SH3RF3: variants seen among roughly 807,000 people sequenced by gnomAD.
SH3RF3 encodes the protein SH3 domain containing ring finger 3.
A neutral mutation model predicts 66.3 loss-of-function variants in SH3RF3; 29 were observed. That is an observed-to-expected ratio of 0.44 (90% CI 0.33 to 0.60). The LOEUF (loss-of-function observed/expected upper bound fraction) is 0.60. SH3RF3 is among the 20% of genes least tolerant of loss of function. SH3RF3 has a pLI of 0.04. For synonymous variants in SH3RF3, 583 were observed against 532.0 expected (o/e 1.10, Z -1.32); for missense variants, 1,194 against 1,190.9 (o/e 1.00, Z -0.04).
In SH3RF3 at chr2:109,291,723, A is replaced by G. The variant is rs143660590; in HGVS notation, c.574-55951A>G. On this transcript the variant is annotated intron_variant, in intron 1 of 9. Transcript: ENST00000309415. ...TTTGCTCCTCTTTGTCTCCCAAGCC[A>G]GGCTTATCCGCAGGTTTCAAAGTGG... is the stretch of plus-strand genomic sequence containing the variant. Among the ~76,000 whole-genome samples, 338 of 152,316 alleles carry G rather than the reference A, an allele frequency of 2.2e-3. 4 individuals are homozygous for G. The highest frequency in any genetic ancestry group is 7.5e-3 in the African/African-American group (313 of 41,568).
chr2:109,201,419 G>C (rs1418318882), intron 1 of SH3RF3, among the ~76,000 whole-genome samples: 1 of 152,140 alleles, frequency 6.6e-6, no homozygotes, highest in Admixed American at 6.5e-5. Context: ...TCTGTCTCCA[G>C]GCACACATCC....
chr2:109,412,848 A>G (rs527502620), intron 4 of SH3RF3, among the ~76,000 whole-genome samples: 8 of 152,270 alleles, frequency 5.3e-5, no homozygotes, highest in Non-Finnish European at 8.8e-5. Flanking sequence ...ACTTCTTGCC[A>G]TGAAAATACA....
At chr2:109,328,274 C>T in intron 1 of SH3RF3, among the ~76,000 whole-genome samples, 1 of 152,210 alleles carries the variant, frequency 6.6e-6, no homozygotes, top group East Asian at 1.9e-4. Flanking sequence ...CCACTCATGG[C>T]ATAGGATTCC....
chr2:109,256,285 T>C (rs1680219536), intron 1 of SH3RF3, among the ~76,000 whole-genome samples: 1 of 152,162 alleles, frequency 6.6e-6, no homozygotes, highest in Admixed American at 6.5e-5. Flanking sequence ...GTTGAGCGTA[T>C]TACTGGGAGT....
chr2:109,168,343 G>C (rs1158242418), intron 1 of SH3RF3, among the ~76,000 whole-genome samples: 1 of 152,200 alleles, frequency 6.6e-6, no homozygotes, highest in East Asian at 1.9e-4. Flanking sequence ...GTGCAGGGCT[G>C]TCTTTGTTCA....
At chr2:109,313,479 G>C (rs550250965) in intron 1 of SH3RF3, 1 of 154,658 alleles carries the variant, frequency 6.5e-6, no homozygotes, top group African/African-American at 2.4e-5. Context: ...CCATGGGCCA[G>C]GCCCTGCCCT....
intron 1 of SH3RF3, among the ~76,000 whole-genome samples, chr2:109,177,557 G>A (rs1369628865): frequency 1.3e-5 from 2 of 151,936 alleles, no homozygotes; most frequent in African/African-American, 4.8e-5. Context: ...TCTGGGGGGG[G>A]GCACCATTCC....
chr2:109,495,971 G>T (rs1679247745), intron 9 of SH3RF3, among the ~76,000 whole-genome samples: 1 of 152,166 alleles, frequency 6.6e-6, no homozygotes, highest in Admixed American at 6.5e-5. Context: ...TGGGTTCGTG[G>T]TCTCACTGAC....
At chr2:109,404,534 C>T (rs1251684009) in intron 4 of SH3RF3, among the ~76,000 whole-genome samples, 1 of 152,124 alleles carries the variant, frequency 6.6e-6, no homozygotes. Context: ...AGGCTGGCCA[C>T]AAGCACAGTC....
chr2:109,198,872 C>T (rs535955069), intron 1 of SH3RF3, among the ~76,000 whole-genome samples: 9 of 152,254 alleles, frequency 5.9e-5, no homozygotes, highest in East Asian at 1.9e-4. Context: ...TACTGAACAC[C>T]GTAGGCAGTT....
At chr2:109,222,230 T>C (rs1679269454) in intron 1 of SH3RF3, among the ~76,000 whole-genome samples, 1 of 152,144 alleles carries the variant, frequency 6.6e-6, no homozygotes, top group South Asian at 2.1e-4. Flanking sequence ...GAAAGGTTGG[T>C]TAAGGGTATA....
chr2:109,197,389 T>C (rs1017260266), intron 1 of SH3RF3, among the ~76,000 whole-genome samples: 12 of 152,218 alleles, frequency 7.9e-5, no homozygotes, highest in Admixed American at 7.8e-4. Context: ...CCTCTGCCAC[T>C]TGCAAGCTGT....
At chr2:109,470,405 A>G (rs1678474974) in intron 8 of SH3RF3, among the ~76,000 whole-genome samples, 1 of 152,120 alleles carries the variant, frequency 6.6e-6, no homozygotes, top group Admixed American at 6.5e-5. Context: ...GCGCCTTGTC[A>G]ATCTTTGGTT....
intron 1 of SH3RF3, among the ~76,000 whole-genome samples, chr2:109,241,104 G>A (rs1679770812): frequency 1.3e-5 from 2 of 152,216 alleles, no homozygotes; most frequent in African/African-American, 2.4e-5. Context: ...AGAATGAGAA[G>A]CTTCATTGTC....
chr2:109,413,389 C>T (rs1401582359), intron 4 of SH3RF3, among the ~76,000 whole-genome samples: 1 of 152,210 alleles, frequency 6.6e-6, no homozygotes, highest in Non-Finnish European at 1.5e-5. Flanking sequence ...TCTGGGATTA[C>T]AGGCGTGAGC....
intron 7 of SH3RF3, among the ~76,000 whole-genome samples, chr2:109,448,553 G>T (rs774314683): frequency 6.6e-6 from 1 of 152,160 alleles, no homozygotes; most frequent in Non-Finnish European, 1.5e-5. Context: ...TTGGGATCTA[G>T]GTTGCACGCT....
Position 109,250,090 on chromosome 2 carries a change from C to CTTTTT in SH3RF3, c.574-97573_574-97569dup, listed in dbSNP as rs61141462. Among the ~76,000 whole-genome samples, 149 of 134,924 alleles carry CTTTTT rather than the reference C, an allele frequency of 1.1e-3. 2 individuals are homozygous for CTTTTT. Among genetic ancestry groups the CTTTTT allele is most frequent in the African/African-American group, 3.2e-3 (120 of 37,132 alleles). The allele number at this position is 134,924 out of a possible 152,430, so 88.5% of individuals were successfully genotyped here. On this transcript the variant is annotated intron_variant, in intron 1 of 9. Coordinates refer to ENST00000309415, the MANE Select transcript of SH3RF3 (RefSeq NM_001099289.3). Reference sequence around the variant, plus strand: ...TTTGAGGGCAAAACAGTAGGTGTTCCTTTTTTTTTTTTTTTGTCTAATTAG... The same window carrying CTTTTT: ...TTTGAGGGCAAAACAGTAGGTGTTCCTTTTTTTTTTTTTTTTTTTTGTCTAATTAG...
intron 1 of SH3RF3, among the ~76,000 whole-genome samples, chr2:109,272,098 C>T (rs1033471537): frequency 1.2e-4 from 18 of 152,208 alleles, no homozygotes; most frequent in Admixed American, 3.3e-4. Flanking sequence ...CCACTCAGGG[C>T]AGCCCGTCTG....
At chr2:109,314,643 A>C (rs1574567954) in intron 1 of SH3RF3, among the ~76,000 whole-genome samples, 1 of 152,226 alleles carries the variant, frequency 6.6e-6, no homozygotes, top group Non-Finnish European at 1.5e-5. Flanking sequence ...GGTTTGTATA[A>C]ACTTGTAAAT....
Sources: allele counts gnomAD v4.1 joint callset (sites outside exome capture counted in the v4.1 genomes callset), GRCh38; gene constraint gnomAD v4.1.1; transcripts MANE v1.5; gene names NCBI Gene and HGNC (gene_info 2026-07-23, HGNC 2026-07-21).